Variants in ABCA9 observed in about 807,000 individuals in gnomAD.
The protein encoded by ABCA9 is ATP binding cassette subfamily A member 9.
A neutral mutation model predicts 205.3 loss-of-function variants in ABCA9; 183 were observed. The observed-to-expected ratio is 0.89, with a 90% CI of 0.79 to 1.01. The LOEUF (loss-of-function observed/expected upper bound fraction) is 1.01. Ranked by LOEUF, ABCA9 falls within the 50% of genes least tolerant of loss-of-function variation. The pLI is 0.00. For missense variants in ABCA9, 1,805 were observed against 1,912.4 expected (o/e 0.94, Z 1.05); for synonymous variants, 651 against 683.3 (o/e 0.95, Z 0.74).
intron 22 of ABCA9, among the ~76,000 whole-genome samples, chr17:69,014,214 G>GAGTGCCAACATGACACTACA (rs2070492547): frequency 6.6e-6 from 1 of 152,136 alleles, no homozygotes; most frequent in Non-Finnish European, 1.5e-5. Flanking sequence ...AAAACTCTTT[G>GAGTGCCAACATGACACTACA]AGTGCCAACA....
chr17:69,046,937 T>TTATA (rs3046836), intron 3 of ABCA9, among the ~76,000 whole-genome samples: 2 of 138,648 alleles, frequency 1.4e-5, no homozygotes, highest in African/African-American at 2.6e-5. Flanking sequence ...ATAGAAAATT[T>TTATA]TATATATATA....
intron 29 of ABCA9, among the ~76,000 whole-genome samples, 164 bp from the exon 30 acceptor site, chr17:68,990,094 T>C (rs2069397539): frequency 6.6e-6 from 1 of 152,180 alleles, no homozygotes; most frequent in South Asian, 2.1e-4. Flanking sequence ...TCTACATTCC[T>C]GCAAGGAAAG....
chr17:69,029,208 CT>C lies in ABCA9; in HGVS notation c.1464del (p.Glu489AsnfsTer9). The C allele has an allele frequency of 6.4e-7, 1 of 1,559,354 alleles. No individual in the cohort carries two copies. On this transcript the variant is annotated frameshift_variant, in exon 11 of 39. Transcript: ENST00000340001. LOFTEE classifies it high-confidence loss of function. ...KEAIRIKNLK[K>X]EYAGKCERVE... is the part of the protein sequence containing the mutation. ...ACTCTCTCACACTTCCCTGCATATT[CT>C]TTTTTAAGATTTTTGATTCTGAAAA...
chr17:69,013,973 C>T (rs545876329), intron 22 of ABCA9, among the ~76,000 whole-genome samples: 1 of 152,182 alleles, frequency 6.6e-6, no homozygotes, highest in East Asian at 1.9e-4. Flanking sequence ...GGTGGGTAGC[C>T]AATATTCTGT....
chr17:68,985,709 C>T (rs921120034), intron 32 of ABCA9, among the ~76,000 whole-genome samples: 1 of 152,134 alleles, frequency 6.6e-6, no homozygotes. Flanking sequence ...CCTGTAATCC[C>T]AGCATTTTGG....
chr17:69,045,937 C>T (rs773955141), intron 3 of ABCA9, among the ~76,000 whole-genome samples: 2 of 152,066 alleles, frequency 1.3e-5, no homozygotes, highest in South Asian at 4.1e-4. Context: ...GAGACACAGC[C>T]AAACCATATC....
chr17:69,032,013 G>A (rs1322653979), intron 10 of ABCA9, 95 bp downstream of exon 10: 6 of 1,206,534 alleles, frequency 5.0e-6, no homozygotes, highest in African/African-American at 1.5e-5. Context: ...GGTACAGAGG[G>A]CACAGAAGGC....
chr17:69,050,412 A>G (rs2071866871), intron 2 of ABCA9, among the ~76,000 whole-genome samples: 1 of 151,936 alleles, frequency 6.6e-6, no homozygotes, highest in African/African-American at 2.4e-5. Flanking sequence ...GTTTTGAACT[A>G]TGAGTATTCT....
the ABCA9 span, among the ~76,000 whole-genome samples, chr17:69,073,367 C>A: frequency 1.3e-5 from 2 of 152,142 alleles, no homozygotes; most frequent in Admixed American, 6.5e-5. Context: ...CACTCCTCAG[C>A]AAATGCAAAA....
chr17:69,029,423 G>T (rs16973526), intron 10 of ABCA9, among the ~76,000 whole-genome samples, 196 bp from the exon 11 acceptor site: 3,955 of 152,202 alleles, frequency 0.026, 193 homozygotes, highest in African/African-American at 0.09. Flanking sequence ...ATTAGAAGCA[G>T]AATCCCTGAT....
upstream of ABCA9, among the ~76,000 whole-genome samples, chr17:69,064,222 A>G (rs1446570971): frequency 6.6e-6 from 1 of 151,828 alleles, no homozygotes; most frequent in East Asian, 1.9e-4. Context: ...TTCTGTAGTG[A>G]TTGTGTTTTC....
At position 68,975,924 on chromosome 17, in the gene ABCA9, T is replaced by C; in HGVS notation, c.4866A>G (p.Glu1622=). ...PSVKWKLLLQ[E]EP Reference sequence around the variant, plus strand: ...TAGGGTATTTGGAGCTTTAAGGCTCTTCCTGCAGGAGGAGTTTCCACTTCA... The same window carrying C: ...TAGGGTATTTGGAGCTTTAAGGCTCCTCCTGCAGGAGGAGTTTCCACTTCA... Residue 1622 remains glutamate (E), a synonymous_variant, in exon 39 of 39, where the codon GAA becomes GAG. Coordinates refer to ENST00000340001, the MANE Select transcript of ABCA9 (RefSeq NM_080283.4). 1 of 1,611,822 alleles carries C rather than the reference T, an allele frequency of 6.2e-7. No individual in the cohort carries two copies. Among genetic ancestry groups the C allele is most frequent in the East Asian group, 2.2e-5 (1 of 44,866 alleles).
Position 69,033,839 on chromosome 17 carries a change from G to T in ABCA9, c.1163C>A (p.Ala388Asp). ...TGGATTTTGTGAAGAATCCAAGTGGGCATTAGAATTCACATCATAGTCCAA... is the reference window on the plus strand; with the variant it reads ...TGGATTTTGTGAAGAATCCAAGTGGTCATTAGAATTCACATCATAGTCCAA... ...IHLDYDVNSNAHLDSSQNPYL... is the reference protein window; with the variant it reads ...IHLDYDVNSNDHLDSSQNPYL... Residue 388 changes from alanine (A) to aspartate (D), a missense_variant, in exon 9 of 39, where the codon GCC becomes GAC. By Grantham distance (126) the Ala-to-Asp change is moderately radical. Coordinates refer to ENST00000340001, the MANE Select transcript of ABCA9 (RefSeq NM_080283.4). 9.3e-6 allele frequency: 15 copies of T among 1,606,684 alleles called. No homozygotes were observed. Among genetic ancestry groups the T allele is most frequent in the Non-Finnish European group, 1.2e-5 (14 of 1,174,820 alleles).
the ABCA9 span, among the ~76,000 whole-genome samples, chr17:69,073,883 G>A: frequency 6.6e-6 from 1 of 151,894 alleles, no homozygotes; most frequent in Non-Finnish European, 1.5e-5. Flanking sequence ...TTTGTAGTTT[G>A]TAGTGATAGG....
At chr17:69,026,025 A>G (rs2070969720) in intron 16 of ABCA9, among the ~76,000 whole-genome samples, 1 of 152,184 alleles carries the variant, frequency 6.6e-6, no homozygotes, top group African/African-American at 2.4e-5. Context: ...AAATGAAGTC[A>G]GGGAGAATAC....
chr17:69,050,563 T>C (rs1327398437), intron 2 of ABCA9, among the ~76,000 whole-genome samples: 1 of 152,188 alleles, frequency 6.6e-6, no homozygotes, highest in Non-Finnish European at 1.5e-5. Flanking sequence ...TTTATTTACA[T>C]GATTATTATT....
At position 69,023,421 on chromosome 17, in the gene ABCA9, G is replaced by A. The variant is rs749663752; in HGVS notation, c.2281+793C>T. Among the ~76,000 whole-genome samples the A allele has an allele frequency of 2.9e-4, 44 of 152,150 alleles. No individual in the cohort carries two copies. Among genetic ancestry groups the A allele is most frequent in the Non-Finnish European group, 5.1e-4 (35 of 68,012 alleles). On this transcript the variant is annotated intron_variant, in intron 17 of 38. Transcript: ENST00000340001. The surrounding 1 kb of genome is among the most constrained non-coding windows in gnomAD (Gnocchi z 4.2). ...ACTATAACCTGTTAAGGATTATAGAGCTAATAATAGCATAGCTGGTGTTTG... is the reference window on the plus strand; with the variant it reads ...ACTATAACCTGTTAAGGATTATAGAACTAATAATAGCATAGCTGGTGTTTG...
intron 6 of ABCA9, 177 bp downstream of exon 6, chr17:69,043,312 T>C: frequency 3.7e-6 from 2 of 547,920 alleles, no homozygotes; most frequent in Admixed American, 3.6e-5. Context: ...TAAATATACA[T>C]GAAGCTTTGC....
At chr17:69,070,195 T>C in the ABCA9 span, among the ~76,000 whole-genome samples, 1 of 152,112 alleles carries the variant, frequency 6.6e-6, no homozygotes, top group Non-Finnish European at 1.5e-5. Flanking sequence ...AGATAAAATA[T>C]TTAATTACAT....
Sources: allele counts gnomAD v4.1 joint callset (sites outside exome capture counted in the v4.1 genomes callset), GRCh38; gene constraint gnomAD v4.1.1; non-coding constraint Gnocchi (gnomAD v3.1); transcripts MANE v1.5; gene names NCBI Gene and HGNC (gene_info 2026-07-23, HGNC 2026-07-21).